CTNNA3: variants seen among roughly 807,000 people sequenced by gnomAD.
The protein encoded by CTNNA3 is catenin alpha-3.
A neutral mutation model predicts 95.7 loss-of-function variants in CTNNA3; 76 were observed. The ratio of observed to expected loss-of-function variants is 0.79; its 90% CI spans 0.66 to 0.96. The LOEUF is 0.96. CTNNA3 is among the 40% of genes least tolerant of loss of function. The pLI is 0.00. For synonymous variants in CTNNA3, 431 were observed against 374.4 expected, an observed-to-expected ratio of 1.15 and a Z score of -1.74; for missense variants, 1,191 against 1,089.8, an observed-to-expected ratio of 1.09 and a Z score of -1.31.
chr10:67,022,473 A>G (rs2133077930), intron 7 of CTNNA3, among the ~76,000 whole-genome samples: 1 of 152,282 alleles, frequency 6.6e-6, no homozygotes, highest in African/African-American at 2.4e-5. Context: ...AGTAGTTTTC[A>G]CAGACTAATA....
chr10:67,199,748 C>T (rs760422827), intron 6 of CTNNA3, among the ~76,000 whole-genome samples: 58 of 152,142 alleles, frequency 3.8e-4, no homozygotes, highest in Non-Finnish European at 1.3e-4. Flanking sequence ...TGCAAAACAA[C>T]ATTCAGAATG....
chr10:66,722,105 G>C (rs1056385013), intron 9 of CTNNA3, among the ~76,000 whole-genome samples: 1 of 152,136 alleles, frequency 6.6e-6, no homozygotes, highest in African/African-American at 2.4e-5. Flanking sequence ...AAGGCCGGGT[G>C]CGGTGGCTCA....
At chr10:66,476,914 T>C (rs146220706) in intron 11 of CTNNA3, among the ~76,000 whole-genome samples, 8 of 152,210 alleles carry the variant, frequency 5.3e-5, no homozygotes, top group Admixed American at 1.3e-4. Flanking sequence ...ATTTTTCTCA[T>C]GTCCTCCTAA....
At chr10:67,038,107 G>A (rs1854176215) in intron 7 of CTNNA3, among the ~76,000 whole-genome samples, 1 of 152,022 alleles carries the variant, frequency 6.6e-6, no homozygotes, top group Admixed American at 6.6e-5. Context: ...TAATAGTACT[G>A]TTTATATGAG....
At chr10:67,136,639 C>A (rs1353123513) in intron 7 of CTNNA3, among the ~76,000 whole-genome samples, 1 of 151,980 alleles carries the variant, frequency 6.6e-6, no homozygotes, top group African/African-American at 2.4e-5. Context: ...AACTAGTATT[C>A]CTACATTAAA....
At chr10:66,097,993 A>G (rs2081466316) in intron 14 of CTNNA3, 1 of 152,154 alleles carries the variant, frequency 6.6e-6, no homozygotes, top group Admixed American at 6.5e-5. Flanking sequence ...CTACTTGCCC[A>G]ATACTCCACT....
chr10:65,966,476 T>G, intron 17 of CTNNA3, 136 bp downstream of exon 17: 1 of 606,768 alleles, frequency 1.6e-6, no homozygotes, highest in Non-Finnish European at 2.6e-6. Context: ...TAAATACATG[T>G]ACTTTTAATA....
At chr10:67,153,354 C>T (rs1284149900) in intron 7 of CTNNA3, among the ~76,000 whole-genome samples, 1 of 152,170 alleles carries the variant, frequency 6.6e-6, no homozygotes, top group Non-Finnish European at 1.5e-5. Flanking sequence ...AGGTGGGGGC[C>T]TTCACTTGAG....
At chr10:67,607,208 C>T (rs538021728) in intron 2 of CTNNA3, among the ~76,000 whole-genome samples, 159 bp from the exon 3 acceptor site, 2 of 152,156 alleles carry the variant, frequency 1.3e-5, no homozygotes, top group Non-Finnish European at 2.9e-5. Context: ...CTGAGTATAA[C>T]TTTCAACTCC....
chr10:66,959,398 C>T (rs997466736), intron 7 of CTNNA3, among the ~76,000 whole-genome samples: 1 of 152,082 alleles, frequency 6.6e-6, no homozygotes, highest in African/African-American at 2.4e-5. Context: ...TGAGATGTTT[C>T]TTTAAATCAT....
At chr10:65,990,687 T>G (rs2078527914) in intron 15 of CTNNA3, among the ~76,000 whole-genome samples, 1 of 151,396 alleles carries the variant, frequency 6.6e-6, no homozygotes. Flanking sequence ...TTAAATAATT[T>G]AAATATTAAA....
At chr10:65,933,511 AAT>A (rs1287035594) in intron 17 of CTNNA3, among the ~76,000 whole-genome samples, 1 of 152,168 alleles carries the variant, frequency 6.6e-6, no homozygotes, top group African/African-American at 2.4e-5. Context: ...ACTCATAAGA[AAT>A]GTGTTCTGCA....
At chr10:66,780,093 A>C (rs1001942048) in intron 7 of CTNNA3, among the ~76,000 whole-genome samples, 1 of 152,112 alleles carries the variant, frequency 6.6e-6, no homozygotes, top group African/African-American at 2.4e-5. Context: ...AGCAAAGGTA[A>C]AGGTCCTTAA....
At chr10:67,054,030 T>C (rs1163996640) in intron 7 of CTNNA3, among the ~76,000 whole-genome samples, 1 of 152,158 alleles carries the variant, frequency 6.6e-6, no homozygotes, top group Non-Finnish European at 1.5e-5. Flanking sequence ...ACTGACCAGT[T>C]TCCTTAATTC....
In CTNNA3 at chr10:67,079,858, AACACACACACACACACACAC is replaced by A. The variant is rs199928311; in HGVS notation, c.1047+100439_1047+100458del. Among the ~76,000 whole-genome samples, 226 of 141,352 alleles carry A rather than the reference AACACACACACACACACACAC, an allele frequency of 1.6e-3. 2 individuals carry two copies. The highest frequency in any genetic ancestry group is 7.0e-3 in the Middle Eastern group (2 of 284). The allele number at this position is 141,352 out of a possible 152,430, so 92.7% of individuals were successfully genotyped here. A position where few individuals can be genotyped will look rare whatever the true frequency, so the allele number is the denominator to read the frequency against. On this transcript the variant is annotated intron_variant, in intron 7 of 17. Coordinates refer to ENST00000433211, the MANE Select transcript of CTNNA3 (RefSeq NM_013266.4). The stretch of plus-strand genomic sequence containing the variant: ...GCGAGACTCCATCTCAAAAAAACAA[AACACACACACACACACACAC>A]ACACACACACACACACACACACACA...
intron 13 of CTNNA3, among the ~76,000 whole-genome samples, chr10:66,111,776 C>T (rs906740097): frequency 4.6e-5 from 7 of 152,056 alleles, no homozygotes; most frequent in Admixed American, 1.3e-4. Context: ...TTTCTTATAT[C>T]GCCAGAAAGC....
chr10:66,960,857 T>C (rs367888661), intron 7 of CTNNA3, among the ~76,000 whole-genome samples: 2 of 152,084 alleles, frequency 1.3e-5, no homozygotes, highest in African/African-American at 2.4e-5. Context: ...TGATAAAGCA[T>C]AGGAGAAGGA....
chr10:67,034,840 A>T (rs921603293), intron 7 of CTNNA3, among the ~76,000 whole-genome samples: 2 of 152,100 alleles, frequency 1.3e-5, no homozygotes, highest in African/African-American at 2.4e-5. Flanking sequence ...CTTCAGATGC[A>T]CTCCAGTCTA....
chr10:67,109,101 T>C (rs1421373567), intron 7 of CTNNA3, among the ~76,000 whole-genome samples: 1 of 152,214 alleles, frequency 6.6e-6, no homozygotes, highest in African/African-American at 2.4e-5. Flanking sequence ...CAGGAATATG[T>C]GACAACATGT....
Sources: gnomAD v4.1 joint callset for allele counts (sites outside exome capture counted in the v4.1 genomes callset) on GRCh38, gnomAD v4.1.1 for gene constraint, MANE v1.5 for transcripts, NCBI Gene and HGNC (gene_info 2026-07-23, HGNC 2026-07-21) for gene names.